TICAM2: variants seen among roughly 807,000 people sequenced by gnomAD.
TICAM2 encodes the protein TIR domain-containing adapter molecule 2.
In TICAM2, 8 loss-of-function variants were observed where a neutral mutation model predicts 7.3. The ratio of observed to expected loss-of-function variants is 1.10; its 90% confidence interval spans 0.65 to 1.99. The LOEUF (loss-of-function observed/expected upper bound fraction) is 1.99. Among genes scored for constraint, TICAM2 ranks in the 30% most tolerant of loss-of-function variants. TICAM2 has a pLI of 0.00. For synonymous variants in TICAM2, 113 were observed against 99.6 expected, an observed-to-expected ratio of 1.13 and a Z score of -0.80; for missense variants, 304 against 278.8, an observed-to-expected ratio of 1.09 and a Z score of -0.65.
At chr5:115,593,230 T>C (rs1270557467) in intron 1 of TICAM2, among the ~76,000 whole-genome samples, 1 of 152,320 alleles carries the variant, frequency 6.6e-6, no homozygotes, top group Non-Finnish European at 1.5e-5. Flanking sequence ...CCATTCATTA[T>C]AAAAACTCTT....
At position 115,579,515 on chromosome 5, in the gene TICAM2, G is replaced by A. The variant is rs1754840012; in HGVS notation, c.*1034C>T. On this transcript the variant is annotated 3_prime_UTR_variant, in exon 2 of 2. Coordinates refer to ENST00000427199, the MANE Select transcript of TICAM2 (RefSeq NM_021649.7). ...GGACGATGCTCCCTCAATCTCAGAT[G>A]GGCAGAAGGGCTGTGGAGGAAAGAA... The A allele has an allele frequency of 6.6e-6, 1 of 152,166 alleles. No individual in the cohort carries two copies. Among genetic ancestry groups the A allele is most frequent in the Non-Finnish European group, 1.5e-5 (1 of 68,052 alleles). 9.4% of individuals were successfully genotyped at this position (152,166 alleles called of 1,614,324 possible).
intron 1 of TICAM2, among the ~76,000 whole-genome samples, chr5:115,588,404 G>C (rs929948805): frequency 6.6e-6 from 1 of 152,164 alleles, no homozygotes; most frequent in South Asian, 2.1e-4. Flanking sequence ...GGGACTTCAC[G>C]TTGTACCTTT....
rs73254585 is a variant in TICAM2 at position 115,598,756 on chromosome 5, A to G, written c.-60+3341T>C. On this transcript the variant is annotated intron_variant, in intron 1 of 1. Coordinates refer to ENST00000427199, the MANE Select transcript of TICAM2 (RefSeq NM_021649.7). ...GTATCTTAAATCCTAATTCTGAAAT[A>G]AGAAGGAATTTTCTTCTTTTCTTTT... 8.8e-3 allele frequency among the ~76,000 whole-genome samples: 1,338 copies of G among 152,306 alleles called. 15 individuals are homozygous for G. The highest frequency in any genetic ancestry group is 0.031 in the African/African-American group (1,273 of 41,574).
chr5:115,597,640 G>A (rs962019745), intron 1 of TICAM2, among the ~76,000 whole-genome samples: 2 of 152,204 alleles, frequency 1.3e-5, no homozygotes, highest in African/African-American at 4.8e-5. Flanking sequence ...ACAAAATGCA[G>A]AGAAAATAGA....
chr5:115,593,048 C>G (rs1415050773), intron 1 of TICAM2, among the ~76,000 whole-genome samples: 1 of 152,156 alleles, frequency 6.6e-6, no homozygotes, highest in Non-Finnish European at 1.5e-5. Context: ...GTGGGTGAGG[C>G]AAGAGAATTG....
At chr5:115,592,865 G>C (rs1755361816) in intron 1 of TICAM2, among the ~76,000 whole-genome samples, 1 of 152,214 alleles carries the variant, frequency 6.6e-6, no homozygotes, top group African/African-American at 2.4e-5. Flanking sequence ...TGATGTGGCT[G>C]GGTGTGGTGG....
intron 1 of TICAM2, among the ~76,000 whole-genome samples, chr5:115,588,895 T>C (rs1344241539): frequency 1.3e-5 from 2 of 152,192 alleles, no homozygotes; most frequent in Non-Finnish European, 2.9e-5. Context: ...GACAAGTCTG[T>C]TATATGGCTT....
At chr5:115,599,589 G>C (rs187962515) in intron 1 of TICAM2, among the ~76,000 whole-genome samples, 2 of 152,138 alleles carry the variant, frequency 1.3e-5, no homozygotes, top group Admixed American at 1.3e-4. Context: ...GTATTTAATA[G>C]CAACCTACCG....
intron 1 of TICAM2, among the ~76,000 whole-genome samples, chr5:115,585,932 T>G (rs2127194827): frequency 6.6e-6 from 1 of 152,210 alleles, no homozygotes; most frequent in Non-Finnish European, 1.5e-5. Flanking sequence ...TGAACCAGGA[T>G]GGTAGTAGTA....
intron 1 of TICAM2, among the ~76,000 whole-genome samples, chr5:115,592,812 T>C (rs1376930600): frequency 6.6e-6 from 1 of 152,222 alleles, no homozygotes; most frequent in Non-Finnish European, 1.5e-5. Context: ...CAAGTTGGGT[T>C]TATTTTAGGA....
intron 1 of TICAM2, among the ~76,000 whole-genome samples, chr5:115,597,292 C>A (rs1230995375): frequency 1.3e-5 from 2 of 152,150 alleles, no homozygotes; most frequent in Non-Finnish European, 2.9e-5. Flanking sequence ...TTAGCTTTCT[C>A]TTGTCATGCA....
At chr5:115,595,073 A>C (rs1755457858) in intron 1 of TICAM2, among the ~76,000 whole-genome samples, 1 of 152,204 alleles carries the variant, frequency 6.6e-6, no homozygotes, top group Non-Finnish European at 1.5e-5. Flanking sequence ...AGTGATAGAT[A>C]TCAAACTGGG....
chr5:115,578,633 C>G lies in TICAM2; in HGVS notation c.*1916G>C, dbSNP rs527725352. ...AATCTTCATTGGAGTTGAAAATAAA[C>G]AAGTTTAGTCAAGAGTAAAGAATAA... On this transcript the variant is annotated 3_prime_UTR_variant, in exon 2 of 2. Transcript: ENST00000427199. The G allele has an allele frequency of 3.3e-5, 5 of 152,204 alleles. No individual in the cohort carries two copies. The East Asian group carries it at 9.6e-4, about 29-fold the overall frequency. The allele number at this position is 152,204 out of a possible 1,614,324, so 9.4% of individuals were successfully genotyped here. A position where few individuals can be genotyped will look rare whatever the true frequency, so the allele number is the denominator to read the frequency against.
rs370166210 is a variant in TICAM2 at position 115,592,349 on chromosome 5, T to A, written c.-60+9748A>T. 2.6e-5 allele frequency among the ~76,000 whole-genome samples: 4 copies of A among 152,220 alleles called. No homozygotes were observed. In the East Asian group the frequency reaches 5.8e-4, roughly 22 times the overall value. On this transcript the variant is annotated intron_variant, in intron 1 of 1. Transcript: ENST00000427199. Reference sequence around the variant, plus strand: ...GAAGAAATAACCTGAATTCAATTATTTTTTTCTTCAACTTTTAACTTCAGA... The same window carrying A: ...GAAGAAATAACCTGAATTCAATTATATTTTTCTTCAACTTTTAACTTCAGA...
At chr5:115,592,490 C>T (rs1315421495) in intron 1 of TICAM2, among the ~76,000 whole-genome samples, 1 of 152,156 alleles carries the variant, frequency 6.6e-6, no homozygotes, top group Non-Finnish European at 1.5e-5. Flanking sequence ...AGCTATTCTT[C>T]CTAACCCTCT....
chr5:115,589,478 C>T (rs1755226585), intron 1 of TICAM2, among the ~76,000 whole-genome samples: 1 of 152,176 alleles, frequency 6.6e-6, no homozygotes, highest in South Asian at 2.1e-4. Context: ...TGAGAATTGG[C>T]TGTCATTTGT....
At chr5:115,583,253 G>C (rs535877574) in intron 1 of TICAM2, among the ~76,000 whole-genome samples, 4 of 151,682 alleles carry the variant, frequency 2.6e-5, no homozygotes, top group Admixed American at 2.6e-4. Flanking sequence ...CAATTAAAAT[G>C]ATCTACACTT....
intron 1 of TICAM2, among the ~76,000 whole-genome samples, chr5:115,598,666 T>C (rs527878244): frequency 2.0e-5 from 3 of 152,316 alleles, no homozygotes; most frequent in African/African-American, 7.2e-5. Context: ...CTTCTCTCTG[T>C]TCGATATTCC....
chr5:115,597,798 C>T (rs540486844), intron 1 of TICAM2, among the ~76,000 whole-genome samples: 44 of 152,240 alleles, frequency 2.9e-4, no homozygotes, highest in African/African-American at 9.6e-4. Flanking sequence ...AAAGTCAGCC[C>T]TCCGTATGTG....
Sources: allele counts gnomAD v4.1 joint callset (sites outside exome capture counted in the v4.1 genomes callset), GRCh38; gene constraint gnomAD v4.1.1; transcripts MANE v1.5; gene names NCBI Gene and HGNC (gene_info 2026-07-23, HGNC 2026-07-21).